CYTH4: variants seen among roughly 807,000 people sequenced by gnomAD.
CYTH4 encodes cytohesin-4.
Under a neutral mutation model 57.5 loss-of-function variants are expected in CYTH4, and 22 were observed. The ratio of observed to expected loss-of-function variants is 0.38; its 90% CI spans 0.27 to 0.55. CYTH4 has a LOEUF of 0.55. Ranked by LOEUF, CYTH4 falls within the 20% of genes least tolerant of loss-of-function variation. The pLI is 0.74. For synonymous variants in CYTH4, 186 were observed against 206.5 expected (o/e 0.90, Z 0.85); for missense variants, 420 against 535.6 (o/e 0.78, Z 2.13).
At chr22:37,283,810 G>A (rs543642013) in intron 1 of CYTH4, among the ~76,000 whole-genome samples, 2 of 152,218 alleles carry the variant, frequency 1.3e-5, no homozygotes, top group East Asian at 1.9e-4. Flanking sequence ...GGGGGCACCT[G>A]GTTGGCACAG....
At chr22:37,294,782 A>C (rs986043018) in intron 3 of CYTH4, 58 bp downstream of exon 3, 27 of 1,591,222 alleles carry the variant, frequency 1.7e-5, no homozygotes, top group Non-Finnish European at 2.3e-5. Flanking sequence ...CAAGGATGTC[A>C]TACACCTTGA....
chr22:37,304,935 G>T (rs1298574859), intron 8 of CYTH4, among the ~76,000 whole-genome samples: 1 of 152,172 alleles, frequency 6.6e-6, no homozygotes, highest in Non-Finnish European at 1.5e-5. Flanking sequence ...CTCCTGCGTG[G>T]CTCCCCAGCT....
intron 1 of CYTH4, among the ~76,000 whole-genome samples, chr22:37,285,033 C>T (rs1601694377): frequency 6.6e-6 from 1 of 152,208 alleles, no homozygotes; most frequent in East Asian, 1.9e-4. Flanking sequence ...ACCCACACCC[C>T]CTCTGCCCCA....
chr22:37,294,547 G>A, intron 2 of CYTH4, 113 bp from the exon 3 acceptor site: 1 of 1,164,994 alleles, frequency 8.6e-7, no homozygotes, highest in Non-Finnish European at 1.2e-6. Flanking sequence ...TCAGGGAGAG[G>A]GGCCAGGTTT....
Position 37,314,208 on chromosome 22 carries a change from C to T in CYTH4, c.*697C>T. 2.5e-6 allele frequency: 1 copy of T among 397,212 alleles called. No individual in the cohort carries two copies. Among genetic ancestry groups the T allele is most frequent in the Middle Eastern group, 6.3e-4 (1 of 1,588 alleles). 24.6% of individuals were successfully genotyped at this position (397,212 alleles called of 1,614,324 possible). A position where few individuals can be genotyped will look rare whatever the true frequency, so the allele number is the denominator to read the frequency against. On this transcript the variant is annotated 3_prime_UTR_variant, in exon 13 of 13. Coordinates refer to ENST00000248901, the MANE Select transcript of CYTH4 (RefSeq NM_013385.5). Reference sequence around the variant, plus strand: ...TGTTTGGACTAGAAACGTATTGGCCCCTGCTAGCCCTGTGCTCCAGCTTCC... The same window carrying T: ...TGTTTGGACTAGAAACGTATTGGCCTCTGCTAGCCCTGTGCTCCAGCTTCC...
rs752771550 is a variant in CYTH4, at chr22:37,310,995, C to A, written c.816C>A (p.Arg272=). ...REGWLLKLGG[R]VKTWKRRWFI... ...TACATTGGCCTTGCGCAGGGGGCCG[C>A]GTGAAGACGTGGAAACGGCGCTGGT... Residue 272 remains arginine, a synonymous_variant, in exon 10 of 13, where the codon CGC becomes CGA. Transcript: ENST00000248901. 6.2e-7 allele frequency: 1 copy of A among 1,613,974 alleles called. No homozygotes were observed. Among genetic ancestry groups the A allele is most frequent in the Admixed American group, 1.7e-5 (1 of 59,974 alleles).
chr22:37,308,581 C>A (rs561995047), intron 8 of CYTH4, among the ~76,000 whole-genome samples: 3 of 147,434 alleles, frequency 2.0e-5, no homozygotes. Context: ...TATGTGTGAG[C>A]GTGTATATGT....
At chr22:37,297,439 C>G (rs957767613) in intron 4 of CYTH4, 125 bp from the exon 5 acceptor site, 22 of 783,428 alleles carry the variant, frequency 2.8e-5, no homozygotes, top group Non-Finnish European at 4.4e-5. Flanking sequence ...CTTCCCAGAA[C>G]AGACTGTGCC....
At chr22:37,308,869 T>C (rs547112953) in intron 8 of CYTH4, among the ~76,000 whole-genome samples, 1 of 113,920 alleles carries the variant, frequency 8.8e-6, no homozygotes, top group South Asian at 5.2e-4. Flanking sequence ...CGTGCATACA[T>C]GTGCGTGTGT....
In CYTH4 at chr22:37,298,281, CGCTTGA is replaced by C; in HGVS notation, c.353+602_353+607del. ...ACTCAGGAGGCTGAAGCAGGGGAAT[CGCTTGA>C]GCCTGGGAGTCGGAGGTTGTAGTGA... On this transcript the variant is annotated intron_variant, in intron 5 of 12. Coordinates refer to ENST00000248901, the MANE Select transcript of CYTH4 (RefSeq NM_013385.5). The surrounding 1 kb of genome is among the most constrained non-coding windows in gnomAD (Gnocchi z 4.1). 1 of 153,494 alleles carries C rather than the reference CGCTTGA, an allele frequency of 6.5e-6. No homozygotes were observed. The highest frequency in any genetic ancestry group is 1.9e-4 in the South Asian group (1 of 5,354). The allele number at this position is 153,494 out of a possible 1,614,324, so 9.5% of individuals were successfully genotyped here. A position where few individuals can be genotyped will look rare whatever the true frequency, so the allele number is the denominator to read the frequency against.
At chr22:37,296,841 C>T (rs1928987433) in intron 4 of CYTH4, among the ~76,000 whole-genome samples, 1 of 152,214 alleles carries the variant, frequency 6.6e-6, no homozygotes. Flanking sequence ...CTGCCTGTCA[C>T]TGGGCCCTCA....
At position 37,303,265 on chromosome 22, in the gene CYTH4, G is replaced by A. The variant is rs756120570; in HGVS notation, c.559G>A (p.Val187Met). ...TGTCCCCTCCGCAGACACCTGCTAC[G>A]TGTTGTCCTTCTCCATCATCATGCT... is the stretch of plus-strand genomic sequence containing the variant. ...GVFQSTDTCY[V>M]LSFSIIMLNT... The change falls in exon 8 of 13, where the codon GTG becomes ATG. Residue 187 changes from valine (V) to methionine (M), a missense_variant. Coordinates refer to ENST00000248901, the MANE Select transcript of CYTH4 (RefSeq NM_013385.5). 3.6e-5 allele frequency: 58 copies of A among 1,614,068 alleles called. No homozygotes were observed. Among genetic ancestry groups the A allele is most frequent in the Admixed American group, 5.0e-5 (3 of 60,000 alleles).
At chr22:37,285,984 G>C (rs1333502166) in intron 1 of CYTH4, among the ~76,000 whole-genome samples, 1 of 152,126 alleles carries the variant, frequency 6.6e-6, no homozygotes, top group Non-Finnish European at 1.5e-5. Context: ...CCAGAAGGGA[G>C]TATGAAAGGA....
At position 37,313,428 on chromosome 22, in the gene CYTH4, A is replaced by G. The variant is rs1188055709; in HGVS notation, c.1113-11A>G. 3.1e-6 allele frequency: 5 copies of G among 1,613,274 alleles called. No individual in the cohort carries two copies. The South Asian group carries it at 5.5e-5, about 18-fold the overall frequency. On this transcript the variant is annotated splice_polypyrimidine_tract_variant and intron_variant, in intron 12 of 12. Transcript: ENST00000248901. ...GTCCAGCCCTGAAATCTCTCCTCCCACTCATTCTAGAGCCAGCATCACCCG... is the reference window on the plus strand; with the variant it reads ...GTCCAGCCCTGAAATCTCTCCTCCCGCTCATTCTAGAGCCAGCATCACCCG...
At chr22:37,309,678 T>C (rs1179509908) in intron 9 of CYTH4, among the ~76,000 whole-genome samples, 2 of 152,178 alleles carry the variant, frequency 1.3e-5, no homozygotes, top group East Asian at 1.9e-4. Flanking sequence ...CAGAACCTAC[T>C]GAGCTCAGGC....
chr22:37,287,081 G>T (rs116633562), intron 1 of CYTH4, among the ~76,000 whole-genome samples: 173 of 152,244 alleles, frequency 1.1e-3, no homozygotes, highest in African/African-American at 4.0e-3. Context: ...GGAAGAGGAT[G>T]GGGAGGAGGG....
rs571978694 is a variant in CYTH4, at chr22:37,295,170, C to T, written c.167+446C>T. ...CGCCCACCGCCTCTGTGGAAAACTC[C>T]CACTATTTTGTGATCTGGGACAGAT... is the stretch of plus-strand genomic sequence containing the variant. On this transcript the variant is annotated intron_variant, in intron 3 of 12. Transcript: ENST00000248901. This position sits in a 1 kb window ranked among gnomAD's most constrained non-coding sequence, Gnocchi z 4.1. 2.0e-4 allele frequency among the ~76,000 whole-genome samples: 31 copies of T among 152,276 alleles called. No individual in the cohort carries two copies. Among genetic ancestry groups the T allele is most frequent in the African/African-American group, 6.7e-4 (28 of 41,552 alleles).
At chr22:37,292,506 C>T (rs1423587162) in intron 1 of CYTH4, 115 bp from the exon 2 acceptor site, 7 of 999,136 alleles carry the variant, frequency 7.0e-6, no homozygotes, top group Non-Finnish European at 3.1e-6. Context: ...AGGAGGTGGG[C>T]CTCTGTGAAT....
chr22:37,312,293 G>T (rs754582125), intron 12 of CYTH4, 119 bp downstream of exon 12: 198 of 1,401,852 alleles, frequency 1.4e-4, no homozygotes, highest in Non-Finnish European at 1.9e-4. Context: ...TCCTGTTTCT[G>T]GCTGGCAAAC....
Sources: allele counts gnomAD v4.1 joint callset (sites outside exome capture counted in the v4.1 genomes callset), GRCh38; gene constraint gnomAD v4.1.1; non-coding constraint Gnocchi (gnomAD v3.1); transcripts MANE v1.5; gene names NCBI Gene and HGNC (gene_info 2026-07-23, HGNC 2026-07-21).